Variants in NAPB observed in about 807,000 individuals in gnomAD.
The protein encoded by NAPB is NSF attachment protein beta, also known as beta-soluble NSF attachment protein.
NAPB carries 26 observed loss-of-function variants against 44.7 expected under a neutral mutation model. The ratio of observed to expected loss-of-function variants is 0.58; its 90% CI spans 0.43 to 0.81. NAPB has a LOEUF of 0.81. Among genes scored for constraint, NAPB ranks in the 30% least tolerant of loss-of-function variants. The pLI is 0.00. For missense variants in NAPB, 315 were observed against 356.4 expected (o/e 0.88, Z 0.94); for synonymous variants, 120 against 116.8 (o/e 1.03, Z -0.18).
At position 23,377,459 on chromosome 20, in the gene NAPB, A is replaced by G; in HGVS notation, c.814T>C (p.Leu272=). Residue 272 remains leucine, a synonymous_variant, in exon 11 of 11, where the codon TTG becomes CTG. Coordinates refer to ENST00000377026, the MANE Select transcript of NAPB (RefSeq NM_022080.3). ...AVKEFDSISR[L]DQWLTTMLLR... is the part of the protein sequence containing the mutation. The stretch of plus-strand genomic sequence containing the variant: ...AACATGGTGGTCAGCCACTGATCCA[A>G]GCGAGATATTGAGTCAAATTCCTTC... The G allele has an allele frequency of 6.2e-7, 1 of 1,604,734 alleles. No homozygotes were observed. The highest frequency in any genetic ancestry group is 2.2e-5 in the East Asian group (1 of 44,730).
chr20:23,390,398 T>C (rs1983859116), intron 5 of NAPB, 134 bp from the exon 6 acceptor site: 3 of 708,742 alleles, frequency 4.2e-6, no homozygotes, highest in Non-Finnish European at 7.3e-6. Context: ...CTACTTTCTT[T>C]AGGAAATACA....
At chr20:23,412,979 G>C (rs898513689) in intron 1 of NAPB, among the ~76,000 whole-genome samples, 23 of 152,104 alleles carry the variant, frequency 1.5e-4, no homozygotes, top group African/African-American at 5.1e-4. Flanking sequence ...AACAGCGTGA[G>C]ACTCTGTCTC....
intron 1 of NAPB, among the ~76,000 whole-genome samples, chr20:23,420,829 T>C (rs1456477315): frequency 6.7e-6 from 1 of 148,782 alleles, no homozygotes; most frequent in Non-Finnish European, 1.5e-5. Flanking sequence ...CAGAGTGTTC[T>C]AGGGGCTTCG....
In NAPB at chr20:23,379,478, A is replaced by G; in HGVS notation, c.753T>C (p.His251=). 6.2e-7 allele frequency: 1 copy of G among 1,609,698 alleles called. No homozygotes were observed. Among genetic ancestry groups the G allele is most frequent in the East Asian group, 2.2e-5 (1 of 44,780 alleles). ...TGTAAGCTTCACTGTTCTGTTCTTCATGAGCTTCTAGGAGTTTCTGGTAGC... is the reference window on the plus strand; with the variant it reads ...TGTAAGCTTCACTGTTCTGTTCTTCGTGAGCTTCTAGGAGTTTCTGGTAGC... ...CKLLKKLLEA[H]EEQNSEAYTE... Residue 251 remains histidine, a synonymous_variant, in exon 10 of 11, where the codon CAT becomes CAC. Transcript: ENST00000377026.
intron 2 of NAPB, among the ~76,000 whole-genome samples, chr20:23,399,086 A>T (rs1984625930): frequency 6.6e-6 from 1 of 151,956 alleles, no homozygotes; most frequent in African/African-American, 2.4e-5. Flanking sequence ...TCTGAACCTG[A>T]GGGCAAAGGG....
intron 1 of NAPB, among the ~76,000 whole-genome samples, chr20:23,418,677 T>C (rs2281430): frequency 0.37 from 56,496 of 151,390 alleles, 10,826 homozygotes; most frequent in East Asian, 0.63. Flanking sequence ...CTGGCTCACG[T>C]CTGTAATCCC....
At chr20:23,413,802 C>G (rs1167548749) in intron 1 of NAPB, among the ~76,000 whole-genome samples, 1 of 151,764 alleles carries the variant, frequency 6.6e-6, no homozygotes, top group African/African-American at 2.4e-5. Flanking sequence ...ACATTACAAA[C>G]TCCAGAGACA....
intron 2 of NAPB, among the ~76,000 whole-genome samples, chr20:23,398,267 A>G (rs945308208): frequency 1.3e-5 from 2 of 152,238 alleles, no homozygotes; most frequent in Admixed American, 6.5e-5. Flanking sequence ...ATGGTTAAGA[A>G]TATCACAAAG....
At chr20:23,405,036 CTCACGCCT>C (rs1307231712) in intron 1 of NAPB, among the ~76,000 whole-genome samples, 9 of 152,206 alleles carry the variant, frequency 5.9e-5, no homozygotes, top group Non-Finnish European at 1.0e-4. Context: ...GGCGAGGAGG[CTCACGCCT>C]GTAATCCCAG....
intron 1 of NAPB, among the ~76,000 whole-genome samples, chr20:23,420,868 T>C (rs1247821311): frequency 6.7e-6 from 1 of 150,340 alleles, no homozygotes; most frequent in Non-Finnish European, 1.5e-5. Context: ...CTGGGGGTCC[T>C]AGGGGTTCTC....
chr20:23,380,076 C>T (rs1159495492), intron 8 of NAPB, 141 bp from the exon 9 acceptor site: 1 of 593,096 alleles, frequency 1.7e-6, no homozygotes, highest in Admixed American at 3.4e-5. Flanking sequence ...GCAGAATCAA[C>T]ATAGAAAATC....
At chr20:23,402,268 G>C (rs1290658642) in intron 2 of NAPB, among the ~76,000 whole-genome samples, 9 of 152,112 alleles carry the variant, frequency 5.9e-5, no homozygotes, top group African/African-American at 2.2e-4. Flanking sequence ...CACGTCCCCT[G>C]CTCTGGTCAA....
chr20:23,381,133 A>G, intron 8 of NAPB, 80 bp downstream of exon 8: 1 of 964,936 alleles, frequency 1.0e-6, no homozygotes, highest in South Asian at 1.3e-5. Flanking sequence ...CATCAAAATG[A>G]AATGATACCA....
At position 23,390,049 on chromosome 20, in the gene NAPB, G is replaced by A. The variant is rs1018773420; in HGVS notation, c.477-19C>T. On this transcript the variant is annotated intron_variant, in intron 6 of 10. Transcript: ENST00000377026. ...TGCTGAGCTGAAATCAAGAACCAAA[G>A]CAGAGTGAGTAACAAGTCAATGGAA... The A allele has an allele frequency of 4.3e-6, 7 of 1,612,494 alleles. No individual in the cohort carries two copies. Among genetic ancestry groups the A allele is most frequent in the Middle Eastern group, 3.3e-4 (2 of 6,080 alleles).
intron 2 of NAPB, among the ~76,000 whole-genome samples, chr20:23,401,514 A>G (rs1326159723): frequency 6.6e-6 from 1 of 152,184 alleles, no homozygotes; most frequent in East Asian, 1.9e-4. Context: ...CCTTAGTTAC[A>G]TACATGATCA....
chr20:23,396,822 A>G (rs1984402230), intron 3 of NAPB: 2 of 255,854 alleles, frequency 7.8e-6, no homozygotes, highest in Non-Finnish European at 7.3e-6. Flanking sequence ...AATATAAATA[A>G]GAGTTTAATT....
chr20:23,375,410 G>C lies in NAPB; in HGVS notation c.*1966C>G, dbSNP rs1361904245. The stretch of plus-strand genomic sequence containing the variant: ...TCAGACCAGAAGATTCTTTAAACAA[G>C]TAGAAACAAACTACTTAAAACCAGA... On this transcript the variant is annotated 3_prime_UTR_variant, in exon 11 of 11. Transcript: ENST00000377026. 1 of 152,178 alleles carries C rather than the reference G, an allele frequency of 6.6e-6. No homozygotes were observed. Among genetic ancestry groups the C allele is most frequent in the Admixed American group, 6.5e-5 (1 of 15,272 alleles). 9.4% of individuals were successfully genotyped at this position (152,178 alleles called of 1,614,324 possible). A position where few individuals can be genotyped will look rare whatever the true frequency, so the allele number is the denominator to read the frequency against.
At chr20:23,410,795 G>A (rs916756383) in intron 1 of NAPB, among the ~76,000 whole-genome samples, 1 of 151,868 alleles carries the variant, frequency 6.6e-6, no homozygotes, top group Non-Finnish European at 1.5e-5. Context: ...CAATCACAAG[G>A]CACAGGAAAA....
chr20:23,405,560 G>A (rs751571444), intron 1 of NAPB, among the ~76,000 whole-genome samples: 5 of 151,902 alleles, frequency 3.3e-5, no homozygotes, highest in Non-Finnish European at 5.9e-5. Context: ...TCCATCTCTA[G>A]TAAAAATACA....
Sources: gnomAD v4.1 joint callset for allele counts (sites outside exome capture counted in the v4.1 genomes callset) on GRCh38, gnomAD v4.1.1 for gene constraint, MANE v1.5 for transcripts, NCBI Gene and HGNC (gene_info 2026-07-23, HGNC 2026-07-21) for gene names.